Variants in WDFY3 observed in about 807,000 individuals in gnomAD.
WDFY3 encodes the protein WD repeat and FYVE domain containing 3.
A neutral mutation model predicts 409.6 loss-of-function variants in WDFY3; 66 were observed. That is an observed-to-expected ratio of 0.16 (90% CI 0.13 to 0.20). The LOEUF (loss-of-function observed/expected upper bound fraction) is 0.20. Ranked by LOEUF, WDFY3 falls within the 10% of genes least tolerant of loss-of-function variation. WDFY3 has a pLI of 1.00. For synonymous variants in WDFY3, 1,521 were observed against 1,537.1 expected (o/e 0.99, Z 0.25); for missense variants, 3,031 against 4,298.1 (o/e 0.71, Z 8.24).
At chr4:84,815,292 A>G (rs1425514518) in intron 13 of WDFY3, among the ~76,000 whole-genome samples, 2 of 152,158 alleles carry the variant, frequency 1.3e-5, no homozygotes, top group African/African-American at 4.8e-5. Context: ...AGATTCTTGA[A>G]AAATTACCAT....
At chr4:84,957,091 TAG>T (rs1265172097) in intron 1 of WDFY3, among the ~76,000 whole-genome samples, 1 of 151,576 alleles carries the variant, frequency 6.6e-6, no homozygotes, top group African/African-American at 2.4e-5. Context: ...GACCACTTTA[TAG>T]AGATATAAAA....
In WDFY3 at chr4:84,803,338, A is replaced by G. The variant is rs773458675; in HGVS notation, c.2559T>C (p.Leu853=). The G allele has an allele frequency of 6.2e-7, 1 of 1,613,964 alleles. No individual in the cohort carries two copies. Among genetic ancestry groups the G allele is most frequent in the East Asian group, 2.2e-5 (1 of 44,872 alleles). Residue 853 remains leucine, a synonymous_variant, in exon 16 of 68, where the codon CTT becomes CTC. Transcript: ENST00000295888. ...CAGAGGCCAGTAGGTCCAGCATGGC[A>G]AGCATGGCTCCAGGATGAATGATGA... ...DAVIIHPGAM[L]AMLDLLASVG... is the part of the protein sequence containing the mutation.
intron 1 of WDFY3, among the ~76,000 whole-genome samples, chr4:84,951,143 C>A (rs1228521506): frequency 6.6e-6 from 1 of 152,164 alleles, no homozygotes; most frequent in Non-Finnish European, 1.5e-5. Flanking sequence ...TCACAGGATG[C>A]TTAATATTTA....
chr4:84,771,390 A>G (rs1358511772), intron 30 of WDFY3, among the ~76,000 whole-genome samples: 1 of 152,174 alleles, frequency 6.6e-6, no homozygotes. Flanking sequence ...TACCTGCTTC[A>G]GCCTCCCGAA....
chr4:84,708,300 A>T (rs1732317178), intron 53 of WDFY3, among the ~76,000 whole-genome samples: 1 of 152,208 alleles, frequency 6.6e-6, no homozygotes, highest in Non-Finnish European at 1.5e-5. Flanking sequence ...TTTTCCTAAC[A>T]AACACTTCAA....
At chr4:84,820,322 A>C (rs1437349526) in intron 11 of WDFY3, 136 bp from the exon 12 acceptor site, 1 of 573,394 alleles carries the variant, frequency 1.7e-6, no homozygotes, top group Non-Finnish European at 2.8e-6. Context: ...TATAATCTTT[A>C]AAACGATGCA....
chr4:84,715,198 C>T, intron 50 of WDFY3, 100 bp downstream of exon 50: 1 of 628,936 alleles, frequency 1.6e-6, no homozygotes, highest in Non-Finnish European at 2.8e-6. Context: ...AAGATGTTGG[C>T]TCATTGATCT....
intron 26 of WDFY3, among the ~76,000 whole-genome samples, chr4:84,779,153 GGT>G (rs1407381722): frequency 2.6e-5 from 4 of 151,752 alleles, no homozygotes; most frequent in African/African-American, 9.7e-5. Flanking sequence ...TCTTATTACT[GGT>G]ATATCTAGAT....
intron 67 of WDFY3, among the ~76,000 whole-genome samples, chr4:84,674,856 A>C (rs1725994522): frequency 6.6e-6 from 1 of 151,900 alleles, no homozygotes; most frequent in Non-Finnish European, 1.5e-5. Context: ...TGACAGAGTG[A>C]GACTCCGTCT....
chr4:84,731,870 T>C (rs1379837056), intron 44 of WDFY3, among the ~76,000 whole-genome samples: 1 of 152,238 alleles, frequency 6.6e-6, no homozygotes, highest in African/African-American at 2.4e-5. Flanking sequence ...GCTGGTCATA[T>C]ATTTGGGAGA....
chr4:84,882,764 G>T (rs1336100682), intron 3 of WDFY3, among the ~76,000 whole-genome samples: 2 of 151,352 alleles, frequency 1.3e-5, no homozygotes, highest in Non-Finnish European at 2.9e-5. Context: ...ACCCAGGATG[G>T]TATGCATGGC....
intron 2 of WDFY3, among the ~76,000 whole-genome samples, chr4:84,926,075 G>A (rs1769942983): frequency 6.8e-6 from 1 of 148,100 alleles, no homozygotes; most frequent in African/African-American, 2.5e-5. Flanking sequence ...GGAGTATAGC[G>A]TGATGTCGGC....
chr4:84,737,513 A>G (rs1737652703), intron 40 of WDFY3, 147 bp from the exon 41 acceptor site: 3 of 928,094 alleles, frequency 3.2e-6, no homozygotes, highest in Non-Finnish European at 4.4e-6. Flanking sequence ...TGTTGTATCT[A>G]GCCCAGTGAA....
intron 41 of WDFY3, 88 bp downstream of exon 41, chr4:84,737,096 G>T: frequency 1.5e-6 from 2 of 1,365,436 alleles, no homozygotes; most frequent in South Asian, 1.3e-5. Context: ...GAATCCTTTT[G>T]TGAATGCTGT....
chr4:84,966,557 C>T lies in WDFY3; in HGVS notation c.-574G>A, dbSNP rs1464929260. On this transcript the variant is annotated 5_prime_UTR_variant, in exon 1 of 68. Coordinates refer to ENST00000295888, the MANE Select transcript of WDFY3 (RefSeq NM_014991.6). ...AGCCTCGGCGCTCCTCGGGTTTCTTCTCTCCATCAAGGCCGGGCCGACCCG... is the reference window on the plus strand; with the variant it reads ...AGCCTCGGCGCTCCTCGGGTTTCTTTTCTCCATCAAGGCCGGGCCGACCCG... Among the ~76,000 whole-genome samples the T allele has an allele frequency of 6.6e-6, 1 of 152,040 alleles. No individual in the cohort carries two copies. Among genetic ancestry groups the T allele is most frequent in the African/African-American group, 2.4e-5 (1 of 41,428 alleles).
At chr4:84,688,840 G>A (rs1015639431) in intron 61 of WDFY3, among the ~76,000 whole-genome samples, 6 of 152,148 alleles carry the variant, frequency 3.9e-5, no homozygotes, top group Middle Eastern at 3.2e-3. Flanking sequence ...GGAGATATCT[G>A]AGTATCTGTG....
intron 65 of WDFY3, among the ~76,000 whole-genome samples, chr4:84,678,616 AT>A (rs1458777319): frequency 6.6e-6 from 1 of 152,228 alleles, no homozygotes; most frequent in Non-Finnish European, 1.5e-5. Context: ...TTATTTATTC[AT>A]TTTTAATTAG....
At chr4:84,801,522 C>A (rs180925561) in intron 17 of WDFY3, 128 bp downstream of exon 17, 15 of 897,368 alleles carry the variant, frequency 1.7e-5, no homozygotes, top group Admixed American at 2.9e-5. Context: ...GTATTTTGTC[C>A]ATTTTTGTTA....
Position 84,818,865 on chromosome 4 carries a change from C to T in WDFY3, c.1693+1220G>A, listed in dbSNP as rs895986569. On this transcript the variant is annotated intron_variant, in intron 12 of 67. Transcript: ENST00000295888. ...GGATATGTACTAAGTGACTTTTAGT[C>T]GTGCAGAGTAAGCTCTCCAATTGTC... Among the ~76,000 whole-genome samples the T allele has an allele frequency of 6.6e-5, 10 of 152,180 alleles. No individual in the cohort carries two copies. The East Asian group carries it at 9.6e-4, about 15-fold the overall frequency.
Sources: allele counts gnomAD v4.1 joint callset (sites outside exome capture counted in the v4.1 genomes callset), GRCh38; gene constraint gnomAD v4.1.1; transcripts MANE v1.5; gene names NCBI Gene and HGNC (gene_info 2026-07-23, HGNC 2026-07-21).